NRXN1: variants seen among roughly 807,000 people sequenced by gnomAD.
The protein encoded by NRXN1 is neurexin-1.
A neutral mutation model predicts 150.9 loss-of-function variants in NRXN1; 39 were observed. The observed-to-expected ratio is 0.26, with a 90% CI of 0.20 to 0.34. The LOEUF is 0.34. Ranked by LOEUF, NRXN1 falls within the 10% of genes least tolerant of loss-of-function variation. The pLI is 1.00. For missense variants in NRXN1, 1,815 were observed against 1,949.9 expected (o/e 0.93, Z 1.30); for synonymous variants, 924 against 757.0 (o/e 1.22, Z -3.62).
intron 21 of NRXN1, among the ~76,000 whole-genome samples, chr2:50,040,943 G>A (rs1053390738): frequency 2.6e-5 from 4 of 151,704 alleles, no homozygotes; most frequent in Non-Finnish European, 4.4e-5. Flanking sequence ...GTAAACATGT[G>A]CCATGTTGGT....
At chr2:50,269,616 G>A (rs1473739699) in intron 17 of NRXN1, among the ~76,000 whole-genome samples, 2 of 152,046 alleles carry the variant, frequency 1.3e-5, no homozygotes, top group Non-Finnish European at 2.9e-5. Flanking sequence ...TAGAAGTTAA[G>A]TCCAGTAAAA....
At chr2:49,965,164 G>C (rs1231623176) in intron 21 of NRXN1, among the ~76,000 whole-genome samples, 3 of 151,898 alleles carry the variant, frequency 2.0e-5, no homozygotes, top group Non-Finnish European at 4.4e-5. Context: ...ACAGGCATGA[G>C]CCACTATGTC....
intron 21 of NRXN1, among the ~76,000 whole-genome samples, chr2:50,018,281 T>C (rs1686975824): frequency 6.6e-6 from 1 of 152,218 alleles, no homozygotes; most frequent in African/African-American, 2.4e-5. Flanking sequence ...TTTCTTTGTC[T>C]TGACATTAAT....
chr2:50,802,158 T>G (rs1457829166), intron 5 of NRXN1, among the ~76,000 whole-genome samples: 1 of 152,204 alleles, frequency 6.6e-6, no homozygotes, highest in Non-Finnish European at 1.5e-5. Context: ...GATACACTGA[T>G]GTCCTAACCC....
At position 50,914,677 on chromosome 2, in the gene NRXN1, G is replaced by A. The variant is rs558652765; in HGVS notation, c.832+7192C>T. Among the ~76,000 whole-genome samples the A allele has an allele frequency of 1.1e-4, 16 of 151,682 alleles. No individual in the cohort carries two copies. The South Asian group carries it at 1.2e-3, about 12-fold the overall frequency. ...TCTGAGGCCACTTGACCCACAATAC[G>A]ATACAAAAACTTTTTTGTTTTCGTT... On this transcript the variant is annotated intron_variant, in intron 5 of 22. Transcript: ENST00000401669.
At chr2:50,012,961 GGAAA>G (rs1685956376) in intron 21 of NRXN1, among the ~76,000 whole-genome samples, 1 of 152,016 alleles carries the variant, frequency 6.6e-6, no homozygotes, top group Admixed American at 6.6e-5. Flanking sequence ...CTTTGCTAGT[GGAAA>G]GAATTTGCAA....
chr2:50,782,141 T>C (rs1002918486), intron 5 of NRXN1, among the ~76,000 whole-genome samples: 2 of 151,546 alleles, frequency 1.3e-5, no homozygotes, highest in African/African-American at 2.4e-5. Context: ...TAATAATAAA[T>C]GGGTTAAGGT....
intron 5 of NRXN1, among the ~76,000 whole-genome samples, chr2:50,871,364 T>C (rs1486043249): frequency 6.6e-6 from 1 of 151,892 alleles, no homozygotes; most frequent in Non-Finnish European, 1.5e-5. Context: ...GACAATTATA[T>C]GATTTATCAT....
intron 21 of NRXN1, among the ~76,000 whole-genome samples, chr2:50,006,127 T>C (rs576948902): frequency 3.9e-5 from 6 of 152,266 alleles, no homozygotes; most frequent in Admixed American, 3.9e-4. Context: ...TCCCTTTCTC[T>C]TTGGTATCTC....
chr2:50,961,321 T>A (rs188288755), intron 2 of NRXN1, among the ~76,000 whole-genome samples: 1 of 151,814 alleles, frequency 6.6e-6, no homozygotes, highest in Admixed American at 6.6e-5. Context: ...TCTAGCAAGC[T>A]CTCAGGTGAT....
chr2:50,583,259 C>A (rs1672578190), intron 8 of NRXN1, among the ~76,000 whole-genome samples: 2 of 152,102 alleles, frequency 1.3e-5, no homozygotes, highest in African/African-American at 4.8e-5. Flanking sequence ...CTAGGCTGGT[C>A]TCAAACTTGT....
chr2:50,357,147 G>A (rs2078873978), intron 17 of NRXN1, among the ~76,000 whole-genome samples: 1 of 151,858 alleles, frequency 6.6e-6, no homozygotes, highest in Admixed American at 6.6e-5. Flanking sequence ...GAGGCATGGT[G>A]GTATATATCT....
At chr2:50,039,261 T>C (rs899546381) in intron 21 of NRXN1, among the ~76,000 whole-genome samples, 10 of 151,334 alleles carry the variant, frequency 6.6e-5, no homozygotes, top group Non-Finnish European at 1.2e-4. Context: ...AGGTCAGGAG[T>C]TCAAGACCAG....
chr2:50,556,786 G>A (rs1668323968), intron 8 of NRXN1, among the ~76,000 whole-genome samples: 1 of 152,088 alleles, frequency 6.6e-6, no homozygotes. Context: ...TTAGTAGTCT[G>A]CATATTAACT....
At chr2:50,540,640 T>G (rs566238017) in intron 9 of NRXN1, among the ~76,000 whole-genome samples, 4 of 152,028 alleles carry the variant, frequency 2.6e-5, no homozygotes, top group Non-Finnish European at 4.4e-5. Context: ...AAGAGTTACA[T>G]GCAATGAACA....
chr2:50,430,379 A>G (rs917026575), intron 17 of NRXN1, among the ~76,000 whole-genome samples: 1 of 152,200 alleles, frequency 6.6e-6, no homozygotes, highest in African/African-American at 2.4e-5. Context: ...ACACTATCCA[A>G]TAGAACTTTC....
At chr2:50,486,906 C>A (rs192592003) in intron 15 of NRXN1, among the ~76,000 whole-genome samples, 339 of 152,200 alleles carry the variant, frequency 2.2e-3, no homozygotes, top group African/African-American at 7.9e-3. Context: ...ACTGGCAAAC[C>A]TTGTGTATTG....
At chr2:50,704,711 T>C (rs537278991) in intron 5 of NRXN1, among the ~76,000 whole-genome samples, 1 of 151,890 alleles carries the variant, frequency 6.6e-6, no homozygotes, top group South Asian at 2.1e-4. Context: ...TTTTACTGCT[T>C]TCCTTGATCT....
At chr2:50,449,415 A>C (rs980130370) in intron 17 of NRXN1, among the ~76,000 whole-genome samples, 1 of 152,180 alleles carries the variant, frequency 6.6e-6, no homozygotes, top group Non-Finnish European at 1.5e-5. Context: ...CCTTAAGTCG[A>C]CTTAGTCACT....
Sources: gnomAD v4.1 joint callset for allele counts (sites outside exome capture counted in the v4.1 genomes callset) on GRCh38, gnomAD v4.1.1 for gene constraint, MANE v1.5 for transcripts, NCBI Gene and HGNC (gene_info 2026-07-23, HGNC 2026-07-21) for gene names.